The following USP49 variants were observed in gnomAD, a reference collection of about 807,000 sequenced individuals.
USP49 encodes the protein ubiquitin specific peptidase 49, also known as ubiquitin carboxyl-terminal hydrolase 49.
USP49 carries 24 observed loss-of-function variants against 58.6 expected under a neutral mutation model. That is an observed-to-expected ratio of 0.41 (90% CI 0.30 to 0.58). The LOEUF (loss-of-function observed/expected upper bound fraction) is 0.58, where lower values mean the gene tolerates loss of function less well. Among genes scored for constraint, USP49 ranks in the 20% least tolerant of loss-of-function variants. USP49 has a pLI of 0.30. For synonymous variants in USP49, 408 were observed against 365.1 expected, an observed-to-expected ratio of 1.12 and a Z score of -1.34; for missense variants, 703 against 866.1, an observed-to-expected ratio of 0.81 and a Z score of 2.36.
chr6:41,819,427 G>A lies in USP49; in HGVS notation c.-28-12416C>T, dbSNP rs529675922. ...CATCCCTGTAGTATGCCTCTCTAAC[G>A]CCATGTTCTCTACAGCAGCTAGACA... On this transcript the variant is annotated intron_variant, in intron 3 of 7. Coordinates refer to ENST00000682992, the MANE Select transcript of USP49 (RefSeq NM_001286554.2). 4.6e-5 allele frequency among the ~76,000 whole-genome samples: 7 copies of A among 151,576 alleles called. No individual in the cohort carries two copies. The East Asian group carries it at 1.2e-3, about 25-fold the overall frequency.
rs1447769982 is a variant in USP49, at chr6:41,803,908, C to A, written c.1459G>T (p.Val487Phe). The change falls in exon 5 of 8, where the codon GTC becomes TTC. Residue 487 changes from valine (V) to phenylalanine (F), a missense_variant. Transcript: ENST00000682992. This position sits in a 1 kb window ranked among gnomAD's most constrained non-coding sequence, Gnocchi z 4.1. The part of the protein sequence containing the change: ...ERYHCIEKGF[V>F]PLNQTECLLT... ...AAGCACTCTGTTTGATTCAAAGGGA[C>A]AAACCCCTTTTCTATGCAGTGATAG... 6.2e-7 allele frequency: 1 copy of A among 1,614,174 alleles called. No individual in the cohort carries two copies. Among genetic ancestry groups the A allele is most frequent in the Non-Finnish European group, 8.5e-7 (1 of 1,180,040 alleles).
chr6:41,860,046 CAAAAAG>C (rs1774193150), intron 3 of USP49, among the ~76,000 whole-genome samples: 2 of 152,114 alleles, frequency 1.3e-5, no homozygotes, highest in South Asian at 4.1e-4. Context: ...GGCTACTCAA[CAAAAAG>C]AAAAAGGAGA....
intron 3 of USP49, among the ~76,000 whole-genome samples, chr6:41,871,095 C>A (rs1488184177): frequency 6.6e-6 from 1 of 152,062 alleles, no homozygotes; most frequent in African/African-American, 2.4e-5. Context: ...TCAAGCCATC[C>A]TCCCACCTCA....
At chr6:41,881,025 C>T (rs1388068186) in intron 2 of USP49, among the ~76,000 whole-genome samples, 2 of 151,914 alleles carry the variant, frequency 1.3e-5, no homozygotes, top group East Asian at 3.9e-4. Flanking sequence ...CTCTGTCTTC[C>T]GGATTCCACC....
chr6:41,849,994 C>T (rs1561917315), intron 3 of USP49, among the ~76,000 whole-genome samples: 1 of 152,124 alleles, frequency 6.6e-6, no homozygotes, highest in African/African-American at 2.4e-5. Flanking sequence ...GGAAATTAAA[C>T]AATCCACTCT....
At chr6:41,875,131 T>C (rs1774481678) in intron 2 of USP49, among the ~76,000 whole-genome samples, 1 of 152,102 alleles carries the variant, frequency 6.6e-6, no homozygotes, top group Non-Finnish European at 1.5e-5. Flanking sequence ...CAAAGTAGAA[T>C]AGATCTGTTA....
At position 41,806,155 on chromosome 6, in the gene USP49, A is replaced by T; in HGVS notation, c.829T>A (p.Phe277Ile). 1 of 1,613,576 alleles carries T rather than the reference A, an allele frequency of 6.2e-7. No homozygotes were observed. Among genetic ancestry groups the T allele is most frequent in the Non-Finnish European group, 8.5e-7 (1 of 1,180,030 alleles). Reference protein sequence around the residue: ...ILQVLSHLQKFRECFLNLDPS... With the variant: ...ILQVLSHLQKIRECFLNLDPS... ...TCAAGGTTGAGGAAACATTCTCGGA[A>T]CTTCTGGAGGTGGCTGAGCACCTGG... is the stretch of plus-strand genomic sequence containing the variant. Residue 277 changes from phenylalanine to isoleucine, a missense_variant, in exon 4 of 8, where the codon TTC becomes ATC. Phe to Ile is a conservative substitution (Grantham distance 21). This residue lies in a region of USP49 where 5 missense variants were observed against 27.8 expected (regional missense o/e 0.18). Coordinates refer to ENST00000682992, the MANE Select transcript of USP49 (RefSeq NM_001286554.2). This position sits in a 1 kb window ranked among gnomAD's most constrained non-coding sequence, Gnocchi z 5.9.
chr6:41,806,441 C>T lies in USP49; in HGVS notation c.543G>A (p.Lys181=), dbSNP rs766253409. ...QRRQEEALER[K]KEEARRRRRE... is the part of the protein sequence containing the mutation. ...GCCGCCGCCTCCGCGCCTCCTCCTT[C>T]TTGCGCTCCAGGGCCTCCTCCTGCC... Residue 181 remains lysine (K), a synonymous_variant, in exon 4 of 8, where the codon AAG becomes AAA. Coordinates refer to ENST00000682992, the MANE Select transcript of USP49 (RefSeq NM_001286554.2). This position sits in a 1 kb window ranked among gnomAD's most constrained non-coding sequence, Gnocchi z 5.9. 2.7e-5 allele frequency: 43 copies of T among 1,586,734 alleles called. No individual in the cohort carries two copies. The highest frequency in any genetic ancestry group is 3.6e-5 in the Non-Finnish European group (42 of 1,174,840).
rs1391364504 is a variant in USP49 at position 41,806,470 on chromosome 6, G to A, written c.514C>T (p.Arg172Trp). The change falls in exon 4 of 8, where the codon CGG becomes TGG. Residue 172 changes from arginine (R) to tryptophan (W), a missense_variant. Physicochemically the swap from Arg to Trp is moderately radical, Grantham distance 101. Transcript: ENST00000682992. The surrounding 1 kb of genome is among the most constrained non-coding windows in gnomAD (Gnocchi z 5.9). ...SSRGQAKLEQRRQEEALERKK... is the reference protein window; with the variant it reads ...SSRGQAKLEQWRQEEALERKK... The stretch of plus-strand genomic sequence containing the variant: ...CGCTCCAGGGCCTCCTCCTGCCGCC[G>A]CTGCTCCAGCTTCGCCTGGCCCCGG... The A allele has an allele frequency of 2.5e-6, 4 of 1,596,070 alleles. No individual in the cohort carries two copies. The highest frequency in any genetic ancestry group is 3.4e-6 in the Non-Finnish European group (4 of 1,178,496).
chr6:41,843,683 G>A lies in USP49; in HGVS notation c.-29+27881C>T, dbSNP rs78200911. Among the ~76,000 whole-genome samples, 37 of 152,226 alleles carry A rather than the reference G, an allele frequency of 2.4e-4. No individual in the cohort carries two copies. The East Asian group carries it at 6.0e-3, about 25-fold the overall frequency. On this transcript the variant is annotated intron_variant, in intron 3 of 7. Transcript: ENST00000682992. The stretch of plus-strand genomic sequence containing the variant: ...AGCAGTATGGGAGGCTAAGGCGGGC[G>A]GAGTTCCTGAGCTCAGGAGTTCCAG...
chr6:41,819,992 T>C lies in USP49; in HGVS notation c.-28-12981A>G, dbSNP rs561126222. Among the ~76,000 whole-genome samples the C allele has an allele frequency of 2.0e-5, 3 of 152,086 alleles. No homozygotes were observed. In the East Asian group the frequency reaches 5.8e-4, roughly 29 times the overall value. Reference sequence around the variant, plus strand: ...TCATATGGGTTCTTTAACAAATAAATGGCATGAAACAAAGGCAAGTGGGAG... The same window carrying C: ...TCATATGGGTTCTTTAACAAATAAACGGCATGAAACAAAGGCAAGTGGGAG... On this transcript the variant is annotated intron_variant, in intron 3 of 7. Coordinates refer to ENST00000682992, the MANE Select transcript of USP49 (RefSeq NM_001286554.2).
intron 3 of USP49, among the ~76,000 whole-genome samples, chr6:41,819,765 C>G (rs1486628268): frequency 1.3e-5 from 2 of 152,184 alleles, no homozygotes; most frequent in African/African-American, 2.4e-5. Flanking sequence ...CTAGACCTCC[C>G]TGATTCAATG....
In USP49 at chr6:41,813,102, A is replaced by T. The variant is rs573035096; in HGVS notation, c.-28-6091T>A. Among the ~76,000 whole-genome samples, 3 of 152,326 alleles carry T rather than the reference A, an allele frequency of 2.0e-5. 1 individual carries two copies. The highest frequency in any genetic ancestry group is 7.2e-5 in the African/African-American group (3 of 41,576). ...GGGACTGCACTTTTAATTTTAATTA[A>T]TTTTAAGTCACATGTGGCTAGTGGT... On this transcript the variant is annotated intron_variant, in intron 3 of 7. Coordinates refer to ENST00000682992, the MANE Select transcript of USP49 (RefSeq NM_001286554.2).
intron 3 of USP49, among the ~76,000 whole-genome samples, chr6:41,852,915 C>T (rs998370523): frequency 1.3e-5 from 2 of 152,148 alleles, no homozygotes; most frequent in African/African-American, 2.4e-5. Flanking sequence ...TCTGGCCAGG[C>T]ACAGTGGCTC....
chr6:41,890,088 TA>T (rs1398416852), intron 2 of USP49, among the ~76,000 whole-genome samples: 1 of 152,176 alleles, frequency 6.6e-6, no homozygotes, highest in Non-Finnish European at 1.5e-5. Flanking sequence ...AATTGTTAAT[TA>T]TTTTTTTTAA....
In USP49 at chr6:41,791,392, C is replaced by G. The variant is rs750576983; in HGVS notation, c.*5141G>C. The G allele has an allele frequency of 1.3e-5, 2 of 152,234 alleles. No individual in the cohort carries two copies. Among genetic ancestry groups the G allele is most frequent in the Admixed American group, 6.5e-5 (1 of 15,284 alleles). 9.4% of individuals were successfully genotyped at this position (152,234 alleles called of 1,614,324 possible). A position where few individuals can be genotyped will look rare whatever the true frequency, so the allele number is the denominator to read the frequency against. On this transcript the variant is annotated 3_prime_UTR_variant, in exon 8 of 8. Coordinates refer to ENST00000682992, the MANE Select transcript of USP49 (RefSeq NM_001286554.2). ...TCCCAAAGTGTTGGGATTACAGGTG[C>G]TAGCCAACTGCATCCAGCCAATGTT...
intron 3 of USP49, among the ~76,000 whole-genome samples, chr6:41,826,464 CA>C (rs1773539029): frequency 6.6e-6 from 1 of 152,074 alleles, no homozygotes; most frequent in African/African-American, 2.4e-5. Flanking sequence ...AGTCTGCTGA[CA>C]AAGAAAATAT....
intron 3 of USP49, among the ~76,000 whole-genome samples, chr6:41,835,730 A>C (rs996213630): frequency 2.0e-5 from 3 of 151,188 alleles, no homozygotes; most frequent in Non-Finnish European, 3.0e-5. Flanking sequence ...AGAAAAAAAA[A>C]CACCAGAAAA....
At chr6:41,824,961 C>G (rs141715159) in intron 3 of USP49, among the ~76,000 whole-genome samples, 5 of 152,288 alleles carry the variant, frequency 3.3e-5, no homozygotes, top group Non-Finnish European at 7.3e-5. Flanking sequence ...ATAAAGCAGA[C>G]GTACTTCTGG....
Sources: gnomAD v4.1 joint callset for allele counts (sites outside exome capture counted in the v4.1 genomes callset) on GRCh38, gnomAD v4.1.1 for gene constraint, gnomAD v4.1.1 regional missense constraint, Gnocchi (gnomAD v3.1) non-coding constraint, MANE v1.5 for transcripts, NCBI Gene and HGNC (gene_info 2026-07-23, HGNC 2026-07-21) for gene names.